QDPR: variants seen among roughly 807,000 people sequenced by gnomAD.
QDPR encodes the protein quinoid dihydropteridine reductase.
In QDPR, 23 loss-of-function variants were observed where a neutral mutation model predicts 31.7. The observed-to-expected ratio is 0.73, with a 90% CI of 0.52 to 1.03. The LOEUF (loss-of-function observed/expected upper bound fraction) is 1.03. Among genes scored for constraint, QDPR ranks in the 50% least tolerant of loss-of-function variants. QDPR has a pLI of 0.00. For synonymous variants in QDPR, 124 were observed against 124.7 expected, an observed-to-expected ratio of 0.99 and a Z score of 0.03; for missense variants, 324 against 323.8, an observed-to-expected ratio of 1.00 and a Z score of 0.00.
At chr4:17,506,157 T>C (rs1459192815) in intron 2 of QDPR, among the ~76,000 whole-genome samples, 3 of 152,182 alleles carry the variant, frequency 2.0e-5, no homozygotes, top group Non-Finnish European at 4.4e-5. Flanking sequence ...TTAGAGAAGG[T>C]TGGGCTCTGT....
chr4:17,490,363 T>A (rs1179444309), intron 6 of QDPR: 1 of 393,198 alleles, frequency 2.5e-6, no homozygotes, highest in Non-Finnish European at 4.9e-6. Flanking sequence ...ATGGACCTCA[T>A]GATACAGGTG....
chr4:17,504,734 TC>T (rs397878332), intron 2 of QDPR, among the ~76,000 whole-genome samples: 1 of 151,854 alleles, frequency 6.6e-6, no homozygotes, highest in Non-Finnish European at 1.5e-5. Flanking sequence ...GACATGAGCA[TC>T]CCTTGAAATA....
chr4:17,491,846 T>A (rs573612276), intron 5 of QDPR, among the ~76,000 whole-genome samples: 1 of 152,100 alleles, frequency 6.6e-6, no homozygotes, highest in African/African-American at 2.4e-5. Flanking sequence ...AGTGGGGGCC[T>A]TTAGGAGGGG....
chr4:17,494,661 G>A (rs1007564611), intron 4 of QDPR, among the ~76,000 whole-genome samples: 1 of 152,158 alleles, frequency 6.6e-6, no homozygotes, highest in Non-Finnish European at 1.5e-5. Flanking sequence ...ACTGAGCACA[G>A]AGGAACACTC....
intron 6 of QDPR, 143 bp from the exon 7 acceptor site, chr4:17,487,379 A>T: frequency 1.4e-6 from 1 of 700,526 alleles, no homozygotes; most frequent in Non-Finnish European, 2.5e-6. Flanking sequence ...GCTGGGCGCC[A>T]TGGCTCACAC....
chr4:17,487,063 G>T lies in QDPR; in HGVS notation c.*68C>A. Reference sequence around the variant, plus strand: ...CAGGGGTTACAGAAAACACAAGGCTGGACAAGGCCACACTGAGACAGGTTA... The same window carrying T: ...CAGGGGTTACAGAAAACACAAGGCTTGACAAGGCCACACTGAGACAGGTTA... On this transcript the variant is annotated 3_prime_UTR_variant, in exon 7 of 7. Transcript: ENST00000281243. 1 of 1,265,390 alleles carries T rather than the reference G, an allele frequency of 7.9e-7. No homozygotes were observed. The highest frequency in any genetic ancestry group is 1.2e-6 in the Non-Finnish European group (1 of 863,788). The allele number at this position is 1,265,390 out of a possible 1,614,324, so 78.4% of individuals were successfully genotyped here. A position where few individuals can be genotyped will look rare whatever the true frequency, so the allele number is the denominator to read the frequency against.
chr4:17,495,902 G>A (rs1356942784), intron 4 of QDPR, among the ~76,000 whole-genome samples: 6 of 152,068 alleles, frequency 3.9e-5, no homozygotes, highest in South Asian at 2.1e-4. Flanking sequence ...TCAGCTACCC[G>A]GTAGGCTGAG....
intron 5 of QDPR, among the ~76,000 whole-genome samples, chr4:17,492,007 T>C (rs1718181450): frequency 6.6e-6 from 1 of 152,230 alleles, no homozygotes; most frequent in South Asian, 2.1e-4. Flanking sequence ...CCTCCAGAAC[T>C]GTGAGCAATA....
chr4:17,489,006 T>C (rs1718067014), intron 6 of QDPR, among the ~76,000 whole-genome samples: 2 of 152,250 alleles, frequency 1.3e-5, no homozygotes, highest in Admixed American at 6.5e-5. Flanking sequence ...TGTTTTGTTT[T>C]TTTATACTTT....
At position 17,498,652 on chromosome 4, in the gene QDPR, G is replaced by A. The variant is rs369846846; in HGVS notation, c.436+3067C>T. On this transcript the variant is annotated intron_variant, in intron 4 of 6. Coordinates refer to ENST00000281243, the MANE Select transcript of QDPR (RefSeq NM_000320.3). Reference sequence around the variant, plus strand: ...ACACTTCCAAATTACTGAATGATCAGTGTGGTCCCCCAAAACTGATTTCCA... The same window carrying A: ...ACACTTCCAAATTACTGAATGATCAATGTGGTCCCCCAAAACTGATTTCCA... Among the ~76,000 whole-genome samples the A allele has an allele frequency of 1.8e-4, 27 of 152,326 alleles. No individual in the cohort carries two copies. The South Asian group carries it at 5.4e-3, about 30-fold the overall frequency.
chr4:17,510,326 G>T (rs34914923), intron 1 of QDPR, among the ~76,000 whole-genome samples: 33,592 of 152,068 alleles, frequency 0.22, 3,972 homozygotes, highest in Middle Eastern at 0.32. Context: ...AAAAGAGGTT[G>T]TTTGTTGATG....
Position 17,487,951 on chromosome 4 carries a change from T to A in QDPR, c.630-715A>T, listed in dbSNP as rs114056621. On this transcript the variant is annotated intron_variant, in intron 6 of 6. Transcript: ENST00000281243. Reference sequence around the variant, plus strand: ...TTGGTATTTTTCTACATTGTTGGAATTCTTTTGTGATTTTAAAAGATTCTA... The same window carrying A: ...TTGGTATTTTTCTACATTGTTGGAAATCTTTTGTGATTTTAAAAGATTCTA... Among the ~76,000 whole-genome samples, 384 of 152,342 alleles carry A rather than the reference T, an allele frequency of 2.5e-3. 1 individual carries two copies. Among genetic ancestry groups the A allele is most frequent in the Non-Finnish European group, 4.4e-3 (297 of 68,028 alleles).
intron 1 of QDPR, chr4:17,509,932 A>G (rs772768561): frequency 8.8e-6 from 4 of 455,952 alleles, no homozygotes; most frequent in South Asian, 4.6e-5. Flanking sequence ...GATCACAATT[A>G]CCTTAGGCTT....
chr4:17,490,453 A>T (rs989069918), intron 6 of QDPR: 8 of 566,962 alleles, frequency 1.4e-5, no homozygotes, highest in African/African-American at 1.3e-4. Context: ...TCATGTCGGC[A>T]CTACCCATTC....
intron 6 of QDPR, among the ~76,000 whole-genome samples, chr4:17,488,717 T>G (rs2252995): frequency 0.65 from 99,155 of 152,162 alleles, 32,688 homozygotes; most frequent in East Asian, 0.77. Context: ...GTGCTCAGCA[T>G]TTCCTTCCTG....
intron 6 of QDPR, chr4:17,490,050 C>T (rs1718102802): frequency 6.1e-6 from 1 of 164,014 alleles, no homozygotes; most frequent in Non-Finnish European, 1.3e-5. Context: ...GGAACTGATA[C>T]CTAAACAAAC....
Position 17,504,464 on chromosome 4 carries a change from C to T in QDPR, c.210G>A (p.Glu70=), listed in dbSNP as rs774547545. The T allele has an allele frequency of 1.2e-6, 2 of 1,614,176 alleles. No individual in the cohort carries two copies. The highest frequency in any genetic ancestry group is 2.2e-5 in the South Asian group (2 of 91,076). ...FTEQADQVTA[E]VGKLLGEEKV... is the part of the protein sequence containing the mutation. ...TCTCTTCACCCAAGAGCTTTCCAAC[C>T]TCAGCAGTCACCTTCAACACAAGAA... The change falls in exon 3 of 7, where the codon GAG becomes GAA. Residue 70 remains glutamate, a synonymous_variant. Transcript: ENST00000281243.
chr4:17,495,750 T>C (rs1022948658), intron 4 of QDPR, among the ~76,000 whole-genome samples: 1 of 152,142 alleles, frequency 6.6e-6, no homozygotes, highest in Non-Finnish European at 1.5e-5. Context: ...AGTTCAGGCT[T>C]GTAATCCTAG....
chr4:17,488,869 A>G (rs938140987), intron 6 of QDPR, among the ~76,000 whole-genome samples: 8 of 152,164 alleles, frequency 5.3e-5, no homozygotes, highest in Admixed American at 1.3e-4. Context: ...AAAACTCTCT[A>G]AAGTACTGTC....
Sources: gnomAD v4.1 joint callset for allele counts (sites outside exome capture counted in the v4.1 genomes callset) on GRCh38, gnomAD v4.1.1 for gene constraint, MANE v1.5 for transcripts, NCBI Gene and HGNC (gene_info 2026-07-23, HGNC 2026-07-21) for gene names.